The following GRIK1 variants were observed in gnomAD, a reference collection of about 807,000 sequenced individuals.
GRIK1 encodes glutamate receptor ionotropic, kainate 1.
A neutral mutation model predicts 105.7 loss-of-function variants in GRIK1; 69 were observed. The observed-to-expected ratio is 0.65, with a 90% CI of 0.54 to 0.80. The LOEUF (loss-of-function observed/expected upper bound fraction) is 0.80. Ranked by LOEUF, GRIK1 falls within the 30% of genes least tolerant of loss-of-function variation. The pLI is 0.00. For synonymous variants in GRIK1, 438 were observed against 431.3 expected (o/e 1.02, Z -0.19); for missense variants, 1,109 against 1,167.3 (o/e 0.95, Z 0.73).
chr21:29,560,325 TTC>T lies in GRIK1; in HGVS notation c.2356+1297_2356+1298del, dbSNP rs1491438833. Among the ~76,000 whole-genome samples the T allele has an allele frequency of 3.8e-4, 47 of 123,036 alleles. 1 individual carries two copies. Among genetic ancestry groups the T allele is most frequent in the Non-Finnish European group, 6.1e-4 (37 of 60,918 alleles). 80.7% of individuals were successfully genotyped at this position (123,036 alleles called of 152,430 possible). A position where few individuals can be genotyped will look rare whatever the true frequency, so the allele number is the denominator to read the frequency against. On this transcript the variant is annotated intron_variant, in intron 15 of 17. Coordinates refer to ENST00000327783, the MANE Select transcript of GRIK1 (RefSeq NM_001330994.2). ...TTTCTTTCTTTCTTTCTTTCTTTCTTTCTTTCTTTCTTTCTTTCTTTCTTTCT... is the reference window on the plus strand; with the variant it reads ...TTTCTTTCTTTCTTTCTTTCTTTCTTTTTCTTTCTTTCTTTCTTTCTTTCT...
At chr21:29,566,027 G>A (rs2090604814) in intron 14 of GRIK1, among the ~76,000 whole-genome samples, 1 of 152,126 alleles carries the variant, frequency 6.6e-6, no homozygotes, top group Non-Finnish European at 1.5e-5. Context: ...TAGAATGTTG[G>A]GAGTAAATTA....
At chr21:29,655,339 C>T (rs1054735231) in intron 4 of GRIK1, among the ~76,000 whole-genome samples, 6 of 151,556 alleles carry the variant, frequency 4.0e-5, no homozygotes, top group Admixed American at 1.3e-4. Context: ...ACCTGGGAGG[C>T]GGAGGTTGCA....
chr21:29,702,622 A>G (rs1245051439), intron 1 of GRIK1, among the ~76,000 whole-genome samples: 2 of 152,170 alleles, frequency 1.3e-5, no homozygotes, highest in African/African-American at 4.8e-5. Context: ...GAGGCAGGAG[A>G]ATCGCTTGAA....
intron 12 of GRIK1, 89 bp downstream of exon 12, chr21:29,587,277 A>T: frequency 2.7e-6 from 2 of 744,738 alleles, no homozygotes; most frequent in South Asian, 1.8e-5. Flanking sequence ...AGTACACTTT[A>T]AAGTTCCTAA....
At chr21:29,780,073 C>T (rs774690871) in intron 1 of GRIK1, among the ~76,000 whole-genome samples, 4 of 152,106 alleles carry the variant, frequency 2.6e-5, no homozygotes, top group African/African-American at 4.8e-5. Context: ...TAGAACGGGG[C>T]TAATTATACC....
At chr21:29,715,632 G>A (rs151223605) in intron 1 of GRIK1, among the ~76,000 whole-genome samples, 17 of 149,606 alleles carry the variant, frequency 1.1e-4, no homozygotes, top group African/African-American at 4.0e-4. Flanking sequence ...AGAGAGTTAG[G>A]GCCATAGTCA....
At position 29,921,771 on chromosome 21, in the gene GRIK1, C is replaced by T. The variant is rs377524333; in HGVS notation, c.118+17612G>A. On this transcript the variant is annotated intron_variant, in intron 1 of 17. Coordinates refer to ENST00000327783, the MANE Select transcript of GRIK1 (RefSeq NM_001330994.2). ...TAATATTGCTATACAAATTAACGTACGCTAAAACTTGACAAATAGAATTGG... is the reference window on the plus strand; with the variant it reads ...TAATATTGCTATACAAATTAACGTATGCTAAAACTTGACAAATAGAATTGG... Among the ~76,000 whole-genome samples the T allele has an allele frequency of 1.9e-4, 29 of 152,186 alleles. No individual in the cohort carries two copies. In the South Asian group the frequency reaches 3.1e-3, roughly 16 times the overall value.
At chr21:29,834,487 C>T (rs879516655) in intron 1 of GRIK1, among the ~76,000 whole-genome samples, 2 of 151,262 alleles carry the variant, frequency 1.3e-5, no homozygotes, top group Non-Finnish European at 2.9e-5. Context: ...TCACCCCCCA[C>T]TTTGTTCTTC....
rs973915604 is a variant in GRIK1 at position 29,537,631 on chromosome 21, C to G, written c.2694+167G>C. 4.2e-6 allele frequency: 3 copies of G among 711,574 alleles called. No homozygotes were observed. The African/African-American group carries it at 5.3e-5, about 13-fold the overall frequency. The allele number at this position is 711,574 out of a possible 1,614,324, so 44.1% of individuals were successfully genotyped here. ...CATTCACAAATGCAGTAGTATAAAA[C>G]TACCCAGTTAAAGCAAACTCAGGGC... On this transcript the variant is annotated intron_variant, in intron 17 of 17. Transcript: ENST00000327783.
intron 3 of GRIK1, among the ~76,000 whole-genome samples, chr21:29,688,725 C>T (rs528643661): frequency 6.6e-6 from 1 of 152,174 alleles, no homozygotes; most frequent in East Asian, 1.9e-4. Context: ...TTCCAAAGTG[C>T]TAGTGAACCC....
chr21:29,934,572 A>C (rs964301302), intron 1 of GRIK1, among the ~76,000 whole-genome samples: 8 of 152,230 alleles, frequency 5.3e-5, no homozygotes, highest in African/African-American at 1.9e-4. Flanking sequence ...TAACTAAATT[A>C]CTGAAAGTAA....
intron 1 of GRIK1, among the ~76,000 whole-genome samples, chr21:29,904,363 A>T (rs2070528504): frequency 6.6e-6 from 1 of 152,010 alleles, no homozygotes; most frequent in South Asian, 2.1e-4. Flanking sequence ...TTTTTTTAAA[A>T]CTGAAATTGG....
At chr21:29,690,598 T>G (rs1011635211) in intron 2 of GRIK1, among the ~76,000 whole-genome samples, 2 of 152,230 alleles carry the variant, frequency 1.3e-5, no homozygotes, top group African/African-American at 4.8e-5. Flanking sequence ...TCCAACCCAC[T>G]CATTTCATAG....
At chr21:29,812,597 T>C (rs2067040729) in intron 1 of GRIK1, among the ~76,000 whole-genome samples, 1 of 152,180 alleles carries the variant, frequency 6.6e-6, no homozygotes, top group South Asian at 2.1e-4. Flanking sequence ...CAAACTTGTG[T>C]TCTATTCCTT....
intron 1 of GRIK1, among the ~76,000 whole-genome samples, chr21:29,849,855 A>G (rs1339302523): frequency 1.3e-5 from 2 of 151,942 alleles, no homozygotes; most frequent in Non-Finnish European, 2.9e-5. Context: ...CAGAGTGTAG[A>G]GCGGCTTGCT....
intron 1 of GRIK1, among the ~76,000 whole-genome samples, chr21:29,751,540 G>A (rs912891886): frequency 1.6e-4 from 24 of 152,286 alleles, no homozygotes; most frequent in African/African-American, 4.8e-4. Context: ...GGGAGTGAGC[G>A]TGTGTTATTA....
chr21:29,802,230 G>T (rs1225190894), intron 1 of GRIK1, among the ~76,000 whole-genome samples: 1 of 152,082 alleles, frequency 6.6e-6, no homozygotes, highest in Non-Finnish European at 1.5e-5. Flanking sequence ...TAAATGTCAA[G>T]CCCTGCTATT....
intron 1 of GRIK1, among the ~76,000 whole-genome samples, chr21:29,840,153 A>G (rs959949936): frequency 6.6e-6 from 1 of 152,116 alleles, no homozygotes; most frequent in Non-Finnish European, 1.5e-5. Flanking sequence ...AAATTAGATG[A>G]TTCTGTAATT....
At chr21:29,867,874 GAA>G (rs747520234) in intron 1 of GRIK1, among the ~76,000 whole-genome samples, 1 of 14,614 alleles carries the variant, frequency 6.8e-5, no homozygotes, top group Non-Finnish European at 1.5e-4. Context: ...GAGAAAGAGA[GAA>G]AGAGAGAGAA....
Sources: allele counts gnomAD v4.1 joint callset (sites outside exome capture counted in the v4.1 genomes callset), GRCh38; gene constraint gnomAD v4.1.1; transcripts MANE v1.5; gene names NCBI Gene and HGNC (gene_info 2026-07-23, HGNC 2026-07-21).